GRID2: variants seen among roughly 807,000 people sequenced by gnomAD.
The protein encoded by GRID2 is glutamate receptor ionotropic, delta-2.
A neutral mutation model predicts 114.8 loss-of-function variants in GRID2; 33 were observed. The observed-to-expected ratio is 0.29, with a 90% CI of 0.22 to 0.38. GRID2 has a LOEUF of 0.38. Ranked by LOEUF, GRID2 falls within the 10% of genes least tolerant of loss-of-function variation. The probability of loss-of-function intolerance (pLI) is 1.00; values close to 1 mark genes in which losing one functional copy is unlikely to be tolerated. For synonymous variants in GRID2, 505 were observed against 449.9 expected, an observed-to-expected ratio of 1.12 and a Z score of -1.55; for missense variants, 1,184 against 1,257.7, an observed-to-expected ratio of 0.94 and a Z score of 0.89.
intron 1 of GRID2, among the ~76,000 whole-genome samples, chr4:92,490,384 G>A (rs891323326): frequency 4.6e-5 from 7 of 152,060 alleles, no homozygotes; most frequent in African/African-American, 7.2e-5. Flanking sequence ...TGTAATTTTT[G>A]TTCATTTTAT....
intron 13 of GRID2, among the ~76,000 whole-genome samples, chr4:93,569,423 AC>A (rs994764769): frequency 2.0e-5 from 3 of 151,764 alleles, no homozygotes; most frequent in African/African-American, 7.3e-5. Flanking sequence ...TCCCAAATCC[AC>A]CCATTTATCA....
At chr4:93,284,462 A>G (rs565774042) in intron 8 of GRID2, among the ~76,000 whole-genome samples, 3 of 151,910 alleles carry the variant, frequency 2.0e-5, no homozygotes, top group Non-Finnish European at 2.9e-5. Flanking sequence ...TATGATACAC[A>G]TTTACCTATG....
chr4:93,216,045 T>A (rs1370595588), intron 5 of GRID2, among the ~76,000 whole-genome samples: 1 of 152,128 alleles, frequency 6.6e-6, no homozygotes, highest in Non-Finnish European at 1.5e-5. Flanking sequence ...AGATAAAATT[T>A]GTTTAGATAA....
intron 9 of GRID2, among the ~76,000 whole-genome samples, chr4:93,421,957 T>C (rs558035395): frequency 6.6e-6 from 1 of 152,262 alleles, no homozygotes; most frequent in Admixed American, 6.5e-5. Flanking sequence ...CTGTAAATAT[T>C]ACTGTTGCTG....
At chr4:92,305,273 G>T (rs571748722) in intron 1 of GRID2, among the ~76,000 whole-genome samples, 3 of 152,202 alleles carry the variant, frequency 2.0e-5, no homozygotes, top group African/African-American at 7.2e-5. Context: ...CGGGGGTGCC[G>T]GATGCGCCCC....
chr4:92,398,540 C>G (rs1321925394), intron 1 of GRID2, among the ~76,000 whole-genome samples: 1 of 152,176 alleles, frequency 6.6e-6, no homozygotes, highest in Non-Finnish European at 1.5e-5. Flanking sequence ...CTCAAGTGAT[C>G]TACCTGCCTC....
chr4:93,380,872 G>A (rs1763787332), intron 8 of GRID2, among the ~76,000 whole-genome samples: 1 of 152,034 alleles, frequency 6.6e-6, no homozygotes, highest in South Asian at 2.1e-4. Flanking sequence ...ATTCAGTGGG[G>A]ATAGCTTACC....
Position 93,773,624 on chromosome 4 carries a change from G to A in GRID2, c.*1126G>A, listed in dbSNP as rs753870333. ...CAGCACATAGAGCTCTAGAAGAGTT[G>A]AAACATAGATCATTGAAGGTTAAAA... On this transcript the variant is annotated 3_prime_UTR_variant, in exon 16 of 16. Transcript: ENST00000282020. The A allele has an allele frequency of 1.3e-5, 2 of 152,006 alleles. No individual in the cohort carries two copies. The highest frequency in any genetic ancestry group is 2.9e-5 in the Non-Finnish European group (2 of 67,968). The allele number at this position is 152,006 out of a possible 1,614,324, so 9.4% of individuals were successfully genotyped here.
chr4:92,841,751 A>G (rs147555652), intron 2 of GRID2, among the ~76,000 whole-genome samples: 148 of 152,238 alleles, frequency 9.7e-4, no homozygotes, highest in African/African-American at 3.1e-3. Flanking sequence ...ATCACTAACA[A>G]TATGGTATTC....
At chr4:92,962,091 A>C (rs967016420) in intron 2 of GRID2, among the ~76,000 whole-genome samples, 3 of 151,814 alleles carry the variant, frequency 2.0e-5, no homozygotes, top group Admixed American at 1.3e-4. Context: ...TTATACATTA[A>C]AGTTCTTAGC....
intron 2 of GRID2, among the ~76,000 whole-genome samples, chr4:92,944,388 A>G (rs1045912848): frequency 1.3e-5 from 2 of 152,310 alleles, no homozygotes; most frequent in East Asian, 3.9e-4. Flanking sequence ...GCTGGATATA[A>G]TCTCCTGGTG....
chr4:92,341,766 T>A (rs1727501844), intron 1 of GRID2, among the ~76,000 whole-genome samples: 1 of 151,920 alleles, frequency 6.6e-6, no homozygotes, highest in African/African-American at 2.4e-5. Context: ...TACAAAAAAA[T>A]TAGCCAGGCG....
At chr4:93,669,281 C>T (rs1724201164) in intron 14 of GRID2, among the ~76,000 whole-genome samples, 1 of 151,966 alleles carries the variant, frequency 6.6e-6, no homozygotes, top group Admixed American at 6.6e-5. Flanking sequence ...ACCTTATAAT[C>T]ATGCATAGAA....
intron 13 of GRID2, among the ~76,000 whole-genome samples, chr4:93,580,124 T>C (rs1161594731): frequency 1.3e-5 from 2 of 152,234 alleles, no homozygotes; most frequent in Non-Finnish European, 2.9e-5. Context: ...GTGACTTCAG[T>C]GAATATTGAT....
chr4:92,726,754 G>T (rs1736087884), intron 2 of GRID2, among the ~76,000 whole-genome samples: 1 of 152,028 alleles, frequency 6.6e-6, no homozygotes, highest in African/African-American at 2.4e-5. Context: ...AAGCTGAAAG[G>T]ACTCAGGTTA....
intron 8 of GRID2, among the ~76,000 whole-genome samples, chr4:93,370,476 G>C (rs1234910647): frequency 7.2e-6 from 1 of 139,238 alleles, no homozygotes; most frequent in East Asian, 2.1e-4. Context: ...CGCACACAGA[G>C]ACACACACAC....
At chr4:93,494,970 C>A (rs940670622) in intron 12 of GRID2, among the ~76,000 whole-genome samples, 21 of 151,724 alleles carry the variant, frequency 1.4e-4, no homozygotes, top group African/African-American at 5.1e-4. Context: ...ACCTAGTTCA[C>A]ATAAAAGTGA....
chr4:93,003,670 G>T (rs868644733), intron 2 of GRID2, among the ~76,000 whole-genome samples: 11 of 151,950 alleles, frequency 7.2e-5, no homozygotes, highest in South Asian at 6.2e-4. Context: ...GTACCTTGAA[G>T]AAATGTTTGT....
intron 8 of GRID2, among the ~76,000 whole-genome samples, chr4:93,365,348 C>G (rs1762240110): frequency 6.6e-6 from 1 of 152,144 alleles, no homozygotes; most frequent in Admixed American, 6.6e-5. Flanking sequence ...TTTTCTTTCT[C>G]AGACCTAGAG....
Sources: allele counts gnomAD v4.1 joint callset (sites outside exome capture counted in the v4.1 genomes callset), GRCh38; gene constraint gnomAD v4.1.1; transcripts MANE v1.5; gene names NCBI Gene and HGNC (gene_info 2026-07-23, HGNC 2026-07-21).